Variants in RFTN1 observed in about 807,000 individuals in gnomAD.
The protein encoded by RFTN1 is raftlin.
In RFTN1, 26 loss-of-function variants were observed where a neutral mutation model predicts 46.5. That is an observed-to-expected ratio of 0.56 (90% confidence interval 0.41 to 0.78). The LOEUF (loss-of-function observed/expected upper bound fraction) is 0.78. Ranked by LOEUF, RFTN1 falls within the 30% of genes least tolerant of loss-of-function variation. The probability of loss-of-function intolerance (pLI) is 0.00; values close to 1 mark genes in which losing one functional copy is unlikely to be tolerated. For synonymous variants in RFTN1, 261 were observed against 284.2 expected, an observed-to-expected ratio of 0.92 and a Z score of 0.82; for missense variants, 693 against 718.7, an observed-to-expected ratio of 0.96 and a Z score of 0.41.
Position 16,483,829 on chromosome 3 carries a change from T to C in RFTN1, c.145+9896A>G, listed in dbSNP as rs1418718523. Among the ~76,000 whole-genome samples the C allele has an allele frequency of 6.6e-6, 1 of 152,186 alleles. No individual in the cohort carries two copies. Among genetic ancestry groups the C allele is most frequent in the Non-Finnish European group, 1.5e-5 (1 of 68,042 alleles). ...AAGTGTGGTCCCCAGACCAGCAGCA[T>C]CAGCATTGCCTGGGAACTTATTACA... On this transcript the variant is annotated intron_variant, in intron 2 of 9. Transcript: ENST00000334133. The surrounding 1 kb of genome is among the most constrained non-coding windows in gnomAD (Gnocchi z 4.8).
At position 16,504,614 on chromosome 3, in the gene RFTN1, C is replaced by A. The variant is rs1248745632; in HGVS notation, c.-9+8828G>T. Among the ~76,000 whole-genome samples the A allele has an allele frequency of 6.6e-6, 1 of 152,158 alleles. No homozygotes were observed. Among genetic ancestry groups the A allele is most frequent in the Non-Finnish European group, 1.5e-5 (1 of 68,032 alleles). The stretch of plus-strand genomic sequence containing the variant: ...TCTTAGCACAGAATTTGGGAACCAC[C>A]AATACATAGTATTATGTATGCTCAA... On this transcript the variant is annotated intron_variant, in intron 1 of 9. Transcript: ENST00000334133. The surrounding 1 kb of genome is among the most constrained non-coding windows in gnomAD (Gnocchi z 4.4).
At chr3:16,398,140 G>A (rs947016497) in intron 4 of RFTN1, among the ~76,000 whole-genome samples, 61 of 151,760 alleles carry the variant, frequency 4.0e-4, no homozygotes, top group Admixed American at 7.9e-4. Flanking sequence ...CCAGCTACTC[G>A]GGAGGCTGAG....
In RFTN1 at chr3:16,407,974, G is replaced by A. The variant is rs1160405498; in HGVS notation, c.441+1401C>T. Among the ~76,000 whole-genome samples the A allele has an allele frequency of 2.0e-5, 3 of 152,116 alleles. No individual in the cohort carries two copies. The highest frequency in any genetic ancestry group is 2.0e-4 in the Admixed American group (3 of 15,282). Reference sequence around the variant, plus strand: ...GGAGCCTGAACACTCAATACATGTTGAAGGGAGGGTGGCAGCAAGGAAACA... The same window carrying A: ...GGAGCCTGAACACTCAATACATGTTAAAGGGAGGGTGGCAGCAAGGAAACA... On this transcript the variant is annotated intron_variant, in intron 4 of 9. Transcript: ENST00000334133. The surrounding 1 kb of genome is among the most constrained non-coding windows in gnomAD (Gnocchi z 4.0).
At position 16,447,802 on chromosome 3, in the gene RFTN1, T is replaced by C. The variant is rs886569485; in HGVS notation, c.146-13765A>G. Among the ~76,000 whole-genome samples, 1 of 152,196 alleles carries C rather than the reference T, an allele frequency of 6.6e-6. No individual in the cohort carries two copies. The highest frequency in any genetic ancestry group is 2.4e-5 in the African/African-American group (1 of 41,450). ...GCACAAGAAGGGAAAGATGGATTTTTAATCAGGCAAAGGAATGTACTTTCT... is the reference window on the plus strand; with the variant it reads ...GCACAAGAAGGGAAAGATGGATTTTCAATCAGGCAAAGGAATGTACTTTCT... On this transcript the variant is annotated intron_variant, in intron 2 of 9. Transcript: ENST00000334133. The surrounding 1 kb of genome is among the most constrained non-coding windows in gnomAD (Gnocchi z 5.9).
At chr3:16,368,203 T>C (rs538910338) in intron 6 of RFTN1, among the ~76,000 whole-genome samples, 1 of 152,288 alleles carries the variant, frequency 6.6e-6, no homozygotes, top group East Asian at 1.9e-4. Context: ...CTGTCCCAAG[T>C]TGGCCCCAAG....
chr3:16,378,211 CAGG>C, intron 4 of RFTN1, 109 bp from the exon 5 acceptor site: 3 of 873,480 alleles, frequency 3.4e-6, no homozygotes, highest in Non-Finnish European at 5.4e-6. Flanking sequence ...GTTTCAGGTG[CAGG>C]AGAAGAATTC....
At position 16,348,734 on chromosome 3, in the gene RFTN1, A is replaced by G. The variant is rs972704382; in HGVS notation, c.1146+9198T>C. 1.3e-5 allele frequency among the ~76,000 whole-genome samples: 2 copies of G among 152,158 alleles called. No homozygotes were observed. The highest frequency in any genetic ancestry group is 4.8e-5 in the African/African-American group (2 of 41,434). On this transcript the variant is annotated intron_variant, in intron 7 of 9. Transcript: ENST00000334133. This position sits in a 1 kb window ranked among gnomAD's most constrained non-coding sequence, Gnocchi z 6.3. ...TTCCCAGTTCCCTGAGGGTTCTGTTATGGAACCCCTAATCACCATCTCAAG... is the reference window on the plus strand; with the variant it reads ...TTCCCAGTTCCCTGAGGGTTCTGTTGTGGAACCCCTAATCACCATCTCAAG...
At position 16,387,972 on chromosome 3, in the gene RFTN1, A is replaced by AGG. The variant is rs111650644; in HGVS notation, c.442-9872_442-9871dup. On this transcript the variant is annotated intron_variant, in intron 4 of 9. Coordinates refer to ENST00000334133, the MANE Select transcript of RFTN1 (RefSeq NM_015150.2). This position sits in a 1 kb window ranked among gnomAD's most constrained non-coding sequence, Gnocchi z 5.2. Reference sequence around the variant, plus strand: ...CCTGTATACAGCCCTCACAGCAGCCAGGCTGGTATCTGAAAGATGTGAGCC... The same window carrying AGG: ...CCTGTATACAGCCCTCACAGCAGCCAGGGGCTGGTATCTGAAAGATGTGAGCC... 0.038 allele frequency among the ~76,000 whole-genome samples: 5,814 copies of AGG among 152,246 alleles called. 364 individuals are homozygous for AGG. Among genetic ancestry groups the AGG allele is most frequent in the African/African-American group, 0.13 (5,424 of 41,514 alleles).
Position 16,370,080 on chromosome 3 carries a change from C to T in RFTN1, c.1026G>A (p.Val342=), listed in dbSNP as rs1237660867. 4.3e-6 allele frequency: 7 copies of T among 1,614,060 alleles called. No homozygotes were observed. The African/African-American group carries it at 9.3e-5, about 22-fold the overall frequency. Residue 342 remains valine (V), a synonymous_variant, in exon 6 of 10, where the codon GTG becomes GTA. Coordinates refer to ENST00000334133, the MANE Select transcript of RFTN1 (RefSeq NM_015150.2). This position sits in a 1 kb window ranked among gnomAD's most constrained non-coding sequence, Gnocchi z 5.5. Reference sequence around the variant, plus strand: ...GACTGTGAATTCCAAACATACCATTCACTATTCCAAGGTAGAAGACTGCGT... The same window carrying T: ...GACTGTGAATTCCAAACATACCATTTACTATTCCAAGGTAGAAGACTGCGT... The part of the protein sequence containing the change: ...LVNAVFYLGI[V]NDSLHGLTDG...
chr3:16,445,483 T>TCTCTCTCTCTCA (rs1352210263), intron 2 of RFTN1, among the ~76,000 whole-genome samples: 17 of 126,778 alleles, frequency 1.3e-4, no homozygotes, highest in Non-Finnish European at 2.6e-4. Flanking sequence ...TCTCTCTCTC[T>TCTCTCTCTCTCA]CACACACACA....
rs1575312652 is a variant in RFTN1 at position 16,451,239 on chromosome 3, T to A, written c.146-17202A>T. Among the ~76,000 whole-genome samples, 1 of 152,262 alleles carries A rather than the reference T, an allele frequency of 6.6e-6. No homozygotes were observed. The highest frequency in any genetic ancestry group is 1.5e-5 in the Non-Finnish European group (1 of 68,016). Reference sequence around the variant, plus strand: ...GAAGCAAAGCAGAAGAGTGCTGTCCTAGAAGTCAAGGGAAGACGGAACAGC... The same window carrying A: ...GAAGCAAAGCAGAAGAGTGCTGTCCAAGAAGTCAAGGGAAGACGGAACAGC... On this transcript the variant is annotated intron_variant, in intron 2 of 9. Coordinates refer to ENST00000334133, the MANE Select transcript of RFTN1 (RefSeq NM_015150.2). The surrounding 1 kb of genome is among the most constrained non-coding windows in gnomAD (Gnocchi z 4.2).
intron 2 of RFTN1, among the ~76,000 whole-genome samples, chr3:16,463,867 T>A (rs568530612): frequency 8.5e-5 from 13 of 152,280 alleles, no homozygotes; most frequent in African/African-American, 3.1e-4. Flanking sequence ...TGCGGGCTGA[T>A]GACCTAAACC....
At position 16,451,588 on chromosome 3, in the gene RFTN1, C is replaced by T. The variant is rs1259195197; in HGVS notation, c.146-17551G>A. Among the ~76,000 whole-genome samples the T allele has an allele frequency of 6.6e-6, 1 of 152,202 alleles. No individual in the cohort carries two copies. The highest frequency in any genetic ancestry group is 1.5e-5 in the Non-Finnish European group (1 of 68,036). On this transcript the variant is annotated intron_variant, in intron 2 of 9. Transcript: ENST00000334133. The surrounding 1 kb of genome is among the most constrained non-coding windows in gnomAD (Gnocchi z 4.2). ...GCCTGAAACCACAGATAGTAAAGAACCCAATTGCTGCCAATCAGAGCACAT... is the reference window on the plus strand; with the variant it reads ...GCCTGAAACCACAGATAGTAAAGAATCCAATTGCTGCCAATCAGAGCACAT...
At chr3:16,477,919 GC>G (rs2124962656) in intron 2 of RFTN1, among the ~76,000 whole-genome samples, 1 of 152,310 alleles carries the variant, frequency 6.6e-6, no homozygotes, top group African/African-American at 2.4e-5. Flanking sequence ...TGCTCAACAG[GC>G]CCATGGCATG....
At chr3:16,417,422 G>A (rs7626299) in intron 3 of RFTN1, among the ~76,000 whole-genome samples, 45,752 of 152,064 alleles carry the variant, frequency 0.3, 6,881 homozygotes, top group Admixed American at 0.33. Context: ...ATGCTTGTCA[G>A]ACAAACATAT....
intron 4 of RFTN1, among the ~76,000 whole-genome samples, chr3:16,399,350 G>A (rs1220461560): frequency 3.3e-5 from 5 of 152,102 alleles, no homozygotes; most frequent in South Asian, 2.1e-4. Flanking sequence ...AAATGGCAGC[G>A]GTTTTTAATT....
At chr3:16,503,985 T>C (rs981977946) in intron 1 of RFTN1, among the ~76,000 whole-genome samples, 5 of 152,178 alleles carry the variant, frequency 3.3e-5, no homozygotes, top group Non-Finnish European at 7.3e-5. Context: ...CCATTCCCTG[T>C]CTCCCTATCT....
chr3:16,464,195 C>T (rs555638592), intron 2 of RFTN1, among the ~76,000 whole-genome samples: 4 of 152,322 alleles, frequency 2.6e-5, no homozygotes, highest in Admixed American at 6.5e-5. Context: ...CTCTCCACTC[C>T]AGTCCCAAGA....
At chr3:16,439,263 T>G (rs980618983) in intron 2 of RFTN1, among the ~76,000 whole-genome samples, 14 of 152,350 alleles carry the variant, frequency 9.2e-5, no homozygotes, top group African/African-American at 3.1e-4. Context: ...AATTCCCCAG[T>G]GTTACTCCTA....
Sources: allele counts gnomAD v4.1 joint callset (sites outside exome capture counted in the v4.1 genomes callset), GRCh38; gene constraint gnomAD v4.1.1; non-coding constraint Gnocchi (gnomAD v3.1); transcripts MANE v1.5; gene names NCBI Gene and HGNC (gene_info 2026-07-23, HGNC 2026-07-21).